Variants in UNC13C observed in about 807,000 individuals in gnomAD.
UNC13C encodes protein unc-13 homolog C.
In UNC13C, 174 loss-of-function variants were observed where a neutral mutation model predicts 245.4. The observed-to-expected ratio is 0.71, with a 90% CI of 0.63 to 0.80. The LOEUF is 0.80. UNC13C is among the 30% of genes least tolerant of loss of function. The probability of loss-of-function intolerance (pLI) is 0.00; values close to 1 mark genes in which losing one functional copy is unlikely to be tolerated. For missense variants in UNC13C, 2,829 were observed against 2,602.9 expected (o/e 1.09, Z -1.89); for synonymous variants, 992 against 895.1 (o/e 1.11, Z -1.93).
the UNC13C span, among the ~76,000 whole-genome samples, chr15:53,857,702 C>T: frequency 1.3e-5 from 2 of 152,178 alleles, no homozygotes; most frequent in African/African-American, 2.4e-5. Flanking sequence ...CTGGCAATGG[C>T]AGTCTGCTGG....
the UNC13C span, among the ~76,000 whole-genome samples, chr15:53,921,996 T>A: frequency 0.012 from 1,833 of 152,330 alleles, 36 homozygotes; most frequent in African/African-American, 0.043. Flanking sequence ...TTCAAAAGTA[T>A]AATATATTGA....
At chr15:54,555,115 A>G (rs865912177) in intron 28 of UNC13C, among the ~76,000 whole-genome samples, 1 of 152,146 alleles carries the variant, frequency 6.6e-6, no homozygotes, top group Middle Eastern at 3.4e-3. Flanking sequence ...GACATAAACC[A>G]AGGAAGTCAG....
chr15:54,561,471 T>G (rs1041353453), intron 29 of UNC13C, among the ~76,000 whole-genome samples: 2 of 150,956 alleles, frequency 1.3e-5, no homozygotes, highest in South Asian at 2.1e-4. Flanking sequence ...GGATAGAAAG[T>G]TTTTTTTTGG....
intron 13 of UNC13C, among the ~76,000 whole-genome samples, chr15:54,305,470 A>G (rs993230125): frequency 6.6e-6 from 1 of 152,042 alleles, no homozygotes; most frequent in South Asian, 2.1e-4. Flanking sequence ...TTGTAACTTG[A>G]GCCCTAAGCT....
At chr15:53,873,684 G>A in the UNC13C span, among the ~76,000 whole-genome samples, 1 of 10,938 alleles carries the variant, frequency 9.1e-5, no homozygotes, top group African/African-American at 2.5e-4. Context: ...TTAGGTCAGG[G>A]TACTGAGCAA....
Position 54,204,200 on chromosome 15 carries a change from T to C in UNC13C, c.3072-30830T>C, listed in dbSNP as rs563351240. On this transcript the variant is annotated intron_variant, in intron 4 of 32. Coordinates refer to ENST00000260323, the MANE Select transcript of UNC13C (RefSeq NM_001080534.3). Reference sequence around the variant, plus strand: ...ACACATTGGGTACAGTGTACGCTGCTTGGGTGATGGGTGCACCAAAATCTC... The same window carrying C: ...ACACATTGGGTACAGTGTACGCTGCCTGGGTGATGGGTGCACCAAAATCTC... 6.6e-5 allele frequency among the ~76,000 whole-genome samples: 10 copies of C among 151,228 alleles called. No individual in the cohort carries two copies. In the East Asian group the frequency reaches 1.6e-3, roughly 24 times the overall value.
At chr15:54,116,700 C>G (rs2030274195) in intron 2 of UNC13C, among the ~76,000 whole-genome samples, 1 of 152,116 alleles carries the variant, frequency 6.6e-6, no homozygotes, top group African/African-American at 2.4e-5. Flanking sequence ...TAGGTTGATT[C>G]CACATGTTGG....
At chr15:53,893,227 C>G in the UNC13C span, among the ~76,000 whole-genome samples, 1 of 152,184 alleles carries the variant, frequency 6.6e-6, no homozygotes, top group Non-Finnish European at 1.5e-5. Context: ...TCTCTGGAAG[C>G]TTTGTCCCAG....
intron 2 of UNC13C, among the ~76,000 whole-genome samples, chr15:54,032,989 G>A (rs915397849): frequency 1.3e-5 from 2 of 152,112 alleles, no homozygotes; most frequent in Non-Finnish European, 2.9e-5. Context: ...CAGGGTGAAA[G>A]GGTGGGAAGG....
intron 20 of UNC13C, among the ~76,000 whole-genome samples, chr15:54,498,732 T>C (rs948162159): frequency 2.0e-4 from 30 of 152,114 alleles, no homozygotes; most frequent in Admixed American, 1.8e-3. Context: ...AACTATAAAA[T>C]ATTATGAGAG....
At chr15:54,105,667 A>C (rs1900408914) in intron 2 of UNC13C, among the ~76,000 whole-genome samples, 1 of 152,236 alleles carries the variant, frequency 6.6e-6, no homozygotes, top group Non-Finnish European at 1.5e-5. Flanking sequence ...TGATGAAAAT[A>C]TAGAGACAGA....
intron 10 of UNC13C, among the ~76,000 whole-genome samples, chr15:54,275,993 A>G (rs2036823267): frequency 6.6e-6 from 1 of 152,128 alleles, no homozygotes; most frequent in Admixed American, 6.5e-5. Context: ...AAGTCTCAAA[A>G]TAATTATGGT....
intron 2 of UNC13C, among the ~76,000 whole-genome samples, chr15:54,130,430 C>G (rs1196716623): frequency 6.6e-6 from 1 of 151,334 alleles, no homozygotes; most frequent in Non-Finnish European, 1.5e-5. Context: ...GTAGCTGGGA[C>G]TACAGGCGCC....
intron 17 of UNC13C, among the ~76,000 whole-genome samples, chr15:54,384,235 A>G (rs1043702945): frequency 1.3e-5 from 2 of 152,296 alleles, no homozygotes; most frequent in East Asian, 3.9e-4. Flanking sequence ...ACCCGGAGGC[A>G]TCATGCTATC....
chr15:53,932,753 A>G, the UNC13C span, among the ~76,000 whole-genome samples: 1 of 152,000 alleles, frequency 6.6e-6, no homozygotes, highest in Non-Finnish European at 1.5e-5. Context: ...ACTCGTATTC[A>G]TTTGTATGAG....
chr15:54,552,046 C>T (rs1488666963), intron 28 of UNC13C, among the ~76,000 whole-genome samples: 1 of 150,606 alleles, frequency 6.6e-6, no homozygotes, highest in Non-Finnish European at 1.5e-5. Flanking sequence ...TTCAGAACTC[C>T]TATTTAGGAG....
intron 18 of UNC13C, among the ~76,000 whole-genome samples, chr15:54,393,428 A>C (rs2040005451): frequency 6.6e-6 from 1 of 151,936 alleles, no homozygotes; most frequent in African/African-American, 2.4e-5. Context: ...ATGTTTATGT[A>C]ATGTAAAACT....
At chr15:54,615,145 A>C (rs1900347147) in intron 30 of UNC13C, among the ~76,000 whole-genome samples, 1 of 152,012 alleles carries the variant, frequency 6.6e-6, no homozygotes, top group South Asian at 2.1e-4. Context: ...CAGGCATGCA[A>C]TGTGAAATAA....
At chr15:54,119,366 A>G (rs566014896) in intron 2 of UNC13C, among the ~76,000 whole-genome samples, 2 of 152,196 alleles carry the variant, frequency 1.3e-5, no homozygotes, top group African/African-American at 4.8e-5. Flanking sequence ...TATTATAGTG[A>G]TCTGTGATCA....
Sources: gnomAD v4.1 joint callset for allele counts (sites outside exome capture counted in the v4.1 genomes callset) on GRCh38, gnomAD v4.1.1 for gene constraint, MANE v1.5 for transcripts, NCBI Gene and HGNC (gene_info 2026-07-23, HGNC 2026-07-21) for gene names.